Variants in ADH1B observed in about 807,000 individuals in gnomAD.
The protein encoded by ADH1B is alcohol dehydrogenase 1B (class I), beta polypeptide.
In ADH1B, 29 loss-of-function variants were observed where a neutral mutation model predicts 34.6. The ratio of observed to expected loss-of-function variants is 0.84; its 90% CI spans 0.62 to 1.14. ADH1B has a LOEUF of 1.14. ADH1B is among the 50% of genes most tolerant of loss of function. The pLI, the probability that ADH1B is intolerant of heterozygous loss-of-function variation, is 0.00. For synonymous variants in ADH1B, 170 were observed against 175.5 expected (o/e 0.97, Z 0.25); for missense variants, 424 against 468.4 (o/e 0.91, Z 0.87).
At chr4:99,311,677 A>G (rs369315330) in intron 6 of ADH1B, 21 bp from the exon 7 acceptor site, 4 of 1,612,834 alleles carry the variant, frequency 2.5e-6, no homozygotes, top group Admixed American at 1.7e-5. Context: ...GTGAATATTT[A>G]GCATCCTTAA....
chr4:99,315,685 G>A (rs138331988), intron 5 of ADH1B: 9,994 of 629,238 alleles, frequency 0.016, 118 homozygotes, highest in Non-Finnish European at 0.022. Flanking sequence ...AAAAATTATT[G>A]TAAATGACAT....
At chr4:99,320,796 G>A (rs187946842) in intron 1 of ADH1B, 1 of 1,163,008 alleles carries the variant, frequency 8.6e-7, no homozygotes, top group African/African-American at 1.6e-5. Context: ...GCTTAACCTT[G>A]ATGATTCTAA....
intron 8 of ADH1B, 132 bp downstream of exon 8, chr4:99,310,633 T>A (rs907293684): frequency 7.9e-7 from 1 of 1,264,646 alleles, no homozygotes; most frequent in African/African-American, 1.5e-5. Flanking sequence ...ATACGCTCCA[T>A]GCAAAGACTG....
intron 7 of ADH1B, 146 bp from the exon 8 acceptor site, chr4:99,311,049 A>T (rs1283128623): frequency 2.0e-6 from 2 of 983,152 alleles, no homozygotes; most frequent in Non-Finnish European, 3.1e-6. Flanking sequence ...CAGTACTTCA[A>T]TATGCTTTTA....
chr4:99,317,695 C>G (rs1019364806), intron 3 of ADH1B: 2 of 232,368 alleles, frequency 8.6e-6, no homozygotes, highest in Non-Finnish European at 1.6e-5. Flanking sequence ...TATCTGGGCC[C>G]TGACAGAAGA....
intron 6 of ADH1B, 91 bp from the exon 7 acceptor site, chr4:99,311,747 T>A: frequency 6.5e-7 from 1 of 1,537,708 alleles, no homozygotes; most frequent in Non-Finnish European, 8.8e-7. Context: ...CTTAACTGGA[T>A]TGTGAGTGTG....
Position 99,321,087 on chromosome 4 carries a change from G to A in ADH1B, c.18+227C>T, listed in dbSNP as rs192186456. ...AAATTTATTTAATGTAGGAAATAAA[G>A]ACTAATAGACACAGGTTCTATACAT... On this transcript the variant is annotated intron_variant, in intron 1 of 8. Transcript: ENST00000305046. Among the ~76,000 whole-genome samples the A allele has an allele frequency of 2.8e-3, 422 of 152,154 alleles. 4 individuals carry two copies. The highest frequency in any genetic ancestry group is 9.7e-3 in the African/African-American group (403 of 41,520).
In ADH1B at chr4:99,305,914, C is replaced by T. The variant is rs1285876950; in HGVS notation, c.*1926G>A. 6.6e-6 allele frequency: 1 copy of T among 152,082 alleles called. No individual in the cohort carries two copies. The highest frequency in any genetic ancestry group is 1.5e-5 in the Non-Finnish European group (1 of 68,038). The allele number at this position is 152,082 out of a possible 1,614,324, so 9.4% of individuals were successfully genotyped here. ...ACACAATCAGCATCAGTGTAAAAGC[C>T]GCAGAGCACCCAGCAACAGGTAGTG... is the stretch of plus-strand genomic sequence containing the variant. On this transcript the variant is annotated 3_prime_UTR_variant, in exon 9 of 9. Coordinates refer to ENST00000305046, the MANE Select transcript of ADH1B (RefSeq NM_000668.6).
chr4:99,318,796 C>G lies in ADH1B; in HGVS notation c.109G>C (p.Val37Leu). Residue 37 changes from valine to leucine, a missense_variant, in exon 2 of 9, where the codon GTT becomes CTT. Physicochemically the swap from Val to Leu is conservative, Grantham distance 32. This residue lies in a region of ADH1B where 291 missense variants were observed against 300.4 expected (regional missense o/e 0.97). Transcript: ENST00000305046. ...GAAAAATATTTCACCTTAATGCGAA[C>G]TTCATAAGCCTTAGGAGGTGCAACC... ...VEVAPPKAYE[V>L]RIKMVAVGIC... is the part of the protein sequence containing the mutation. 1 of 1,611,696 alleles carries G rather than the reference C, an allele frequency of 6.2e-7. No individual in the cohort carries two copies. Among genetic ancestry groups the G allele is most frequent in the Non-Finnish European group, 8.5e-7 (1 of 1,178,882 alleles).
rs1254268138 is a variant in ADH1B at position 99,310,846 on chromosome 4, A to G, written c.1022T>C (p.Phe341Ser). The G allele has an allele frequency of 6.2e-7, 1 of 1,613,640 alleles. No individual in the cohort carries two copies. The highest frequency in any genetic ancestry group is 8.5e-7 in the Non-Finnish European group (1 of 1,179,752). The change falls in exon 8 of 9, where the codon TTT (phenylalanine) becomes TCT (serine). Residue 341 changes from phenylalanine to serine, a missense_variant. By Grantham distance (155) the Phe-to-Ser change is radical. This residue lies in a region of ADH1B where 130 missense variants were observed against 151.8 expected (regional missense o/e 0.86). Transcript: ENST00000305046. ...KLVADFMAKK[F>S]SLDALITHVL... ...ATGGGTTATTAACGCATCCAGTGAA[A>G]ACTTCTTAGCCATAAAATCAGCCAC...
chr4:99,312,789 G>T (rs1367088230), intron 6 of ADH1B, among the ~76,000 whole-genome samples: 1 of 152,016 alleles, frequency 6.6e-6, no homozygotes, highest in African/African-American at 2.4e-5. Flanking sequence ...GGAGGTTGAG[G>T]CTGCAGCGAG....
Position 99,311,581 on chromosome 4 carries a change from G to T in ADH1B, c.904C>A (p.Leu302Ile), listed in dbSNP as rs1386685117. Residue 302 changes from leucine (L) to isoleucine (I), a missense_variant, in exon 7 of 9, where the codon CTC becomes ATC. Physicochemically the swap from Leu to Ile is conservative, Grantham distance 5. Around this residue, in one of 3 missense-constraint regions of ADH1B, gnomAD observed 130 missense variants for 151.8 expected, o/e 0.86. Coordinates refer to ENST00000305046, the MANE Select transcript of ADH1B (RefSeq NM_000668.6). ...IVGVPPASQN[L>I]SINPMLLLTG... ...AGTAGCAGCATAGGGTTTATTGAGA[G>T]GTTCTGGGAAGCAGGAGGTACCCCT... The T allele has an allele frequency of 6.2e-7, 1 of 1,614,082 alleles. No homozygotes were observed. Among genetic ancestry groups the T allele is most frequent in the Admixed American group, 1.7e-5 (1 of 60,014 alleles).
At position 99,318,163 on chromosome 4, in the gene ADH1B, G is replaced by C. The variant is rs761042153; in HGVS notation, c.142C>G (p.His48Asp). 12 of 1,613,954 alleles carry C rather than the reference G, an allele frequency of 7.4e-6. No homozygotes were observed. In the East Asian group the frequency reaches 1.6e-4, roughly 21 times the overall value. The change falls in exon 3 of 9, where the codon CAC becomes GAC. Residue 48 changes from histidine to aspartate, a missense_variant. His to Asp is a moderately conservative substitution (Grantham distance 81, BLOSUM62 -1). Around this residue, in one of 3 missense-constraint regions of ADH1B, gnomAD observed 291 missense variants for 300.4 expected, o/e 0.97. Transcript: ENST00000305046. Reference protein sequence around the residue: ...RIKMVAVGICHTDDHVVSGNL... With the variant: ...RIKMVAVGICDTDDHVVSGNL... ...CCACTAACCACGTGGTCATCTGTGTGACAGATTCCTACAGCCACCATCTAC... is the reference window on the plus strand; with the variant it reads ...CCACTAACCACGTGGTCATCTGTGTCACAGATTCCTACAGCCACCATCTAC...
At chr4:99,317,326 A>G (rs1027874961) in intron 3 of ADH1B, 7 of 152,236 alleles carry the variant, frequency 4.6e-5, no homozygotes, top group African/African-American at 2.4e-5. Flanking sequence ...TTAACCCTTT[A>G]CTTCTAAAAG....
At chr4:99,318,242 A>G (rs1229978267) in intron 2 of ADH1B, 58 bp from the exon 3 acceptor site, 1 of 1,598,806 alleles carries the variant, frequency 6.3e-7, no homozygotes, top group African/African-American at 1.3e-5. Flanking sequence ...GATGAATTTA[A>G]CATACCCAAA....
chr4:99,318,907 A>T (rs55963727), intron 1 of ADH1B, 21 bp from the exon 2 acceptor site: 47,348 of 1,606,684 alleles, frequency 0.029, 856 homozygotes, highest in Non-Finnish European at 0.035. Flanking sequence ...AAACAGAGAG[A>T]TGGTGACAGT....
At chr4:99,309,248 T>A (rs951896234) in intron 8 of ADH1B, among the ~76,000 whole-genome samples, 2 of 152,124 alleles carry the variant, frequency 1.3e-5, no homozygotes, top group African/African-American at 4.8e-5. Flanking sequence ...AGAAATGGAA[T>A]TGCTGGGGCA....
chr4:99,318,968 T>G, intron 1 of ADH1B, 82 bp from the exon 2 acceptor site: 2 of 1,412,122 alleles, frequency 1.4e-6, no homozygotes, highest in Non-Finnish European at 2.0e-6. Flanking sequence ...TTTGTACATG[T>G]AATATTGCGT....
Position 99,316,286 on chromosome 4 carries a change from C to T in ADH1B, c.276G>A (p.Pro92=), listed in dbSNP as rs146657145. The change falls in exon 4 of 9, where the codon CCG becomes CCA. Residue 92 remains proline, a synonymous_variant. Transcript: ENST00000305046. ...TTVKPGDKVI[P]LFTPQCGKCR... ...ATTTTCCACACTGAGGAGTAAAGAG[C>T]GGGATGACTTTATCACCTGGAGAGG... The T allele has an allele frequency of 3.6e-5, 58 of 1,613,906 alleles. 2 individuals carry two copies. The highest frequency in any genetic ancestry group is 3.2e-4 in the South Asian group (29 of 91,078).
Sources: allele counts gnomAD v4.1 joint callset (sites outside exome capture counted in the v4.1 genomes callset), GRCh38; gene constraint gnomAD v4.1.1; regional missense constraint gnomAD v4.1.1; transcripts MANE v1.5; gene names NCBI Gene and HGNC (gene_info 2026-07-23, HGNC 2026-07-21).